CBX5: variants seen among roughly 807,000 people sequenced by gnomAD.
CBX5 encodes the protein chromobox protein homolog 5.
In CBX5, 7 loss-of-function variants were observed where a neutral mutation model predicts 20.7. The ratio of observed to expected loss-of-function variants is 0.34; its 90% CI spans 0.19 to 0.63. CBX5 has a LOEUF of 0.63. Ranked by LOEUF, CBX5 falls within the 30% of genes least tolerant of loss-of-function variation. CBX5 has a pLI of 0.75. For missense variants in CBX5, 110 were observed against 224.1 expected, an observed-to-expected ratio of 0.49 and a Z score of 3.25; for synonymous variants, 78 against 77.0, an observed-to-expected ratio of 1.01 and a Z score of -0.07.
chr12:54,241,773 T>C lies in CBX5; in HGVS notation c.558A>G (p.Lys186=). ...CCCTCCTTTAGCTCTTTGCTGTTTC[T>C]TTCTCTTTGTTTTCCGCATCCTCAG... ...AYPEDAENKE[K]ETAKS Residue 186 remains lysine (K), a synonymous_variant, in exon 5 of 5, where the codon AAA becomes AAG. Coordinates refer to ENST00000209875, the MANE Select transcript of CBX5 (RefSeq NM_012117.3). 1 of 1,612,388 alleles carries C rather than the reference T, an allele frequency of 6.2e-7. No individual in the cohort carries two copies. Among genetic ancestry groups the C allele is most frequent in the Non-Finnish European group, 8.5e-7 (1 of 1,179,718 alleles).
intron 1 of CBX5, among the ~76,000 whole-genome samples, chr12:54,268,740 G>C (rs981304164): frequency 6.6e-6 from 1 of 152,152 alleles, no homozygotes; most frequent in Non-Finnish European, 1.5e-5. Context: ...GGTTGTTATA[G>C]AAAAGGTAAA....
intron 1 of CBX5, among the ~76,000 whole-genome samples, chr12:54,271,459 G>A (rs1944009041): frequency 6.6e-6 from 1 of 152,210 alleles, no homozygotes; most frequent in African/African-American, 2.4e-5. Flanking sequence ...CCAAGTAGCT[G>A]GGATTACAGG....
At chr12:54,254,847 CTT>C in intron 2 of CBX5, among the ~76,000 whole-genome samples, 1 of 152,080 alleles carries the variant, frequency 6.6e-6, no homozygotes, top group African/African-American at 2.4e-5. Flanking sequence ...GAGCAAAACT[CTT>C]GTCTCAAAAA....
chr12:54,253,306 G>A (rs1450922929), intron 2 of CBX5, among the ~76,000 whole-genome samples: 1 of 152,004 alleles, frequency 6.6e-6, no homozygotes, highest in Non-Finnish European at 1.5e-5. Flanking sequence ...TCCCAGCTAC[G>A]CAGGAGGCTA....
At chr12:54,277,081 G>C (rs1255245573) in intron 1 of CBX5, 1 of 152,228 alleles carries the variant, frequency 6.6e-6, no homozygotes. Flanking sequence ...CGCCCAGACT[G>C]GGGTGCAGTG....
intron 3 of CBX5, among the ~76,000 whole-genome samples, chr12:54,251,215 C>G (rs942028579): frequency 1.3e-5 from 2 of 152,036 alleles, no homozygotes; most frequent in African/African-American, 4.8e-5. Flanking sequence ...AATCTCAACA[C>G]TTTGGGAGGC....
Position 54,235,150 on chromosome 12 carries a change from A to G in CBX5, c.*6605T>C, listed in dbSNP as rs530647496. 3.3e-5 allele frequency: 5 copies of G among 152,338 alleles called. No homozygotes were observed. Among genetic ancestry groups the G allele is most frequent in the Admixed American group, 6.5e-5 (1 of 15,296 alleles). 9.4% of individuals were successfully genotyped at this position (152,338 alleles called of 1,614,324 possible). A position where few individuals can be genotyped will look rare whatever the true frequency, so the allele number is the denominator to read the frequency against. ...CTCTCAATTATCCAGGCAGAAATAA[A>G]TATCTTTTTCTTGTGGTCATCCATG... On this transcript the variant is annotated 3_prime_UTR_variant, in exon 5 of 5. Coordinates refer to ENST00000209875, the MANE Select transcript of CBX5 (RefSeq NM_012117.3).
chr12:54,250,972 A>T (rs1377152007), intron 3 of CBX5, among the ~76,000 whole-genome samples: 1 of 151,458 alleles, frequency 6.6e-6, no homozygotes, highest in African/African-American at 2.4e-5. Context: ...TCTACTAAAG[A>T]TACAAAAAAT....
intron 3 of CBX5, among the ~76,000 whole-genome samples, chr12:54,250,295 C>A (rs185713783): frequency 6.6e-6 from 1 of 152,004 alleles, no homozygotes; most frequent in Non-Finnish European, 1.5e-5. Context: ...CCTGTAATCC[C>A]AACTACTCAG....
chr12:54,243,107 G>A (rs141853464), intron 4 of CBX5, among the ~76,000 whole-genome samples: 1 of 151,970 alleles, frequency 6.6e-6, no homozygotes, highest in African/African-American at 2.4e-5. Flanking sequence ...CTGGGCAACA[G>A]AGTGAGACCC....
At position 54,241,542 on chromosome 12, in the gene CBX5, A is replaced by G; in HGVS notation, c.*213T>C. On this transcript the variant is annotated 3_prime_UTR_variant, in exon 5 of 5. Coordinates refer to ENST00000209875, the MANE Select transcript of CBX5 (RefSeq NM_012117.3). ...ATTGTGGGTATTACACTCAGTATGT[A>G]AATGCCTGGTCTTCACAGAGAGACA... is the stretch of plus-strand genomic sequence containing the variant. The G allele has an allele frequency of 1.9e-6, 1 of 530,782 alleles. No individual in the cohort carries two copies. The highest frequency in any genetic ancestry group is 3.3e-6 in the Non-Finnish European group (1 of 304,570). The allele number at this position is 530,782 out of a possible 1,614,324, so 32.9% of individuals were successfully genotyped here. A position where few individuals can be genotyped will look rare whatever the true frequency, so the allele number is the denominator to read the frequency against.
intron 1 of CBX5, among the ~76,000 whole-genome samples, chr12:54,263,163 C>T (rs1426400898): frequency 1.3e-5 from 2 of 151,906 alleles, no homozygotes; most frequent in African/African-American, 4.8e-5. Context: ...GAGTTCCAGA[C>T]CAACCTGGCC....
At position 54,231,103 on chromosome 12, in the gene CBX5, T is replaced by C. The variant is rs1469267009; in HGVS notation, c.*10652A>G. 2 of 152,168 alleles carry C rather than the reference T, an allele frequency of 1.3e-5. No homozygotes were observed. The highest frequency in any genetic ancestry group is 3.9e-4 in the East Asian group (2 of 5,188). The allele number at this position is 152,168 out of a possible 1,614,324, so 9.4% of individuals were successfully genotyped here. On this transcript the variant is annotated 3_prime_UTR_variant, in exon 5 of 5. Coordinates refer to ENST00000209875, the MANE Select transcript of CBX5 (RefSeq NM_012117.3). ...AACATTTACATTTAAAAGGTGAACA[T>C]ATATATAGACCACTTATACTTTAAA...
intron 1 of CBX5, among the ~76,000 whole-genome samples, chr12:54,265,042 G>A (rs1943944408): frequency 6.6e-6 from 1 of 152,114 alleles, no homozygotes; most frequent in African/African-American, 2.4e-5. Context: ...AAGAGCAGAG[G>A]AGAGCGCATA....
intron 1 of CBX5, among the ~76,000 whole-genome samples, chr12:54,266,553 C>T (rs191206769): frequency 2.6e-4 from 39 of 152,158 alleles, no homozygotes; most frequent in East Asian, 9.6e-4. Flanking sequence ...GTGAGACCTC[C>T]GCAATATTTA....
Position 54,232,939 on chromosome 12 carries a change from G to GA in CBX5, c.*8815dup, listed in dbSNP as rs1252100164. On this transcript the variant is annotated 3_prime_UTR_variant, in exon 5 of 5. Transcript: ENST00000209875. ...CAGAAAGCAAGATCACATTCCAACA[G>GA]AAACAATGAATAAGAACCTTTTCCC... 6.6e-6 allele frequency: 1 copy of GA among 152,094 alleles called. No individual in the cohort carries two copies. The highest frequency in any genetic ancestry group is 2.4e-5 in the African/African-American group (1 of 41,384). 9.4% of individuals were successfully genotyped at this position (152,094 alleles called of 1,614,324 possible).
intron 4 of CBX5, among the ~76,000 whole-genome samples, chr12:54,245,485 C>A (rs572618698): frequency 2.3e-4 from 35 of 152,032 alleles, no homozygotes; most frequent in Admixed American, 2.0e-3. Flanking sequence ...AGCAAAACCC[C>A]GACTCTACTA....
chr12:54,240,645 A>G lies in CBX5; in HGVS notation c.*1110T>C, dbSNP rs530209682. On this transcript the variant is annotated 3_prime_UTR_variant, in exon 5 of 5. Transcript: ENST00000209875. ...TCCAGGAGCCAAGAATGCAGGAGAC[A>G]TAACTGCTATGAACACTTAAAATTG... The G allele has an allele frequency of 9.8e-5, 15 of 152,330 alleles. No homozygotes were observed. The highest frequency in any genetic ancestry group is 9.6e-4 in the East Asian group (5 of 5,194). 9.4% of individuals were successfully genotyped at this position (152,330 alleles called of 1,614,324 possible). A position where few individuals can be genotyped will look rare whatever the true frequency, so the allele number is the denominator to read the frequency against.
At chr12:54,264,711 C>A (rs1490716400) in intron 1 of CBX5, among the ~76,000 whole-genome samples, 1 of 152,000 alleles carries the variant, frequency 6.6e-6, no homozygotes, top group Admixed American at 6.6e-5. Context: ...GGTGTGGTGG[C>A]AGGTGCCTGT....
Sources: allele counts gnomAD v4.1 joint callset (sites outside exome capture counted in the v4.1 genomes callset), GRCh38; gene constraint gnomAD v4.1.1; transcripts MANE v1.5; gene names NCBI Gene and HGNC (gene_info 2026-07-23, HGNC 2026-07-21).